Variants in COBLL1 observed in about 807,000 individuals in gnomAD.
COBLL1 encodes cordon-bleu WH2 repeat protein like 1.
In COBLL1, 50 loss-of-function variants were observed where a neutral mutation model predicts 94.8. The ratio of observed to expected loss-of-function variants is 0.53; its 90% confidence interval spans 0.42 to 0.67. COBLL1 has a LOEUF of 0.67. Ranked by LOEUF, COBLL1 falls within the 30% of genes least tolerant of loss-of-function variation. COBLL1 has a pLI of 0.00. For synonymous variants in COBLL1, 448 were observed against 473.8 expected (o/e 0.95, Z 0.71); for missense variants, 1,362 against 1,348.7 (o/e 1.01, Z -0.15).
At chr2:164,668,009 A>C (rs1691190419) in intron 1 of COBLL1, among the ~76,000 whole-genome samples, 1 of 143,092 alleles carries the variant, frequency 7.0e-6, no homozygotes, top group Admixed American at 7.2e-5. Context: ...CAGTGGCGTG[A>C]GCTCAGCTCA....
chr2:164,742,422 T>C (rs11891773), intron 3 of COBLL1, among the ~76,000 whole-genome samples: 98 of 152,118 alleles, frequency 6.4e-4, no homozygotes, highest in African/African-American at 2.2e-3. Flanking sequence ...CCCAGCCAGA[T>C]CCATTAACCC....
At chr2:164,789,459 T>A (rs1683068183) in intron 2 of COBLL1, among the ~76,000 whole-genome samples, 1 of 152,142 alleles carries the variant, frequency 6.6e-6, no homozygotes, top group Non-Finnish European at 1.5e-5. Context: ...AAGCCAATAT[T>A]ACCTCTGTGC....
intron 10 of COBLL1, 67 bp from the exon 11 acceptor site, chr2:164,699,566 G>GAC (rs372370676): frequency 1.6e-4 from 129 of 795,216 alleles, no homozygotes; most frequent in Admixed American, 5.3e-4. Context: ...CACACACACA[G>GAC]ACACACACAC....
chr2:164,679,199 C>T (rs1361689931), downstream of COBLL1, among the ~76,000 whole-genome samples: 1 of 152,134 alleles, frequency 6.6e-6, no homozygotes, highest in Non-Finnish European at 1.5e-5. Context: ...GAAGGCCATA[C>T]TTCTCTAAAG....
chr2:164,831,881 C>T (rs1033478184), intron 2 of COBLL1, among the ~76,000 whole-genome samples: 2 of 152,112 alleles, frequency 1.3e-5, no homozygotes, highest in Non-Finnish European at 2.9e-5. Context: ...CATCTTAGCA[C>T]AAAGGAGAAA....
intron 3 of COBLL1, among the ~76,000 whole-genome samples, chr2:164,732,074 G>A (rs1476735365): frequency 6.6e-6 from 1 of 152,096 alleles, no homozygotes; most frequent in Admixed American, 6.5e-5. Flanking sequence ...TATGGGATAA[G>A]GAGTATGTTT....
intron 2 of COBLL1, among the ~76,000 whole-genome samples, chr2:164,799,470 TA>T (rs1471165659): frequency 6.6e-6 from 1 of 152,194 alleles, no homozygotes. Context: ...ATGACCTAAC[TA>T]AATTCAGAGG....
intron 13 of COBLL1, among the ~76,000 whole-genome samples, chr2:164,686,943 A>G (rs535360585): frequency 6.6e-6 from 1 of 152,336 alleles, no homozygotes; most frequent in Admixed American, 6.5e-5. Flanking sequence ...TAAAAGGAAA[A>G]TGAAATTGGC....
chr2:164,695,447 CT>C lies in COBLL1; in HGVS notation c.1944del (p.Asp649IlefsTer3), dbSNP rs1558927652. 1 of 1,613,882 alleles carries C rather than the reference CT, an allele frequency of 6.2e-7. No homozygotes were observed. Among genetic ancestry groups the C allele is most frequent in the Non-Finnish European group, 8.5e-7 (1 of 1,179,914 alleles). ...AATTCCCTTGAGGTATTTACAGAATCTTGTGAACTTAAGCATGAGTGTTGAG... is the reference window on the plus strand; with the variant it reads ...AATTCCCTTGAGGTATTTACAGAATCTGTGAACTTAAGCATGAGTGTTGAG... ...ISTQHSCLSS[Q>X]DSVNTSREFR... On this transcript the variant is annotated frameshift_variant, in exon 12 of 14. Coordinates refer to ENST00000652658, the MANE Select transcript of COBLL1 (RefSeq NM_001365672.2). LOFTEE classifies it high-confidence loss of function.
In COBLL1 at chr2:164,722,193, C is replaced by CAA. The variant is rs1450069948; in HGVS notation, c.877_878insTT (p.Arg293IlefsTer30). 1 of 1,614,078 alleles carries CAA rather than the reference C, an allele frequency of 6.2e-7. No individual in the cohort carries two copies. Among genetic ancestry groups the CAA allele is most frequent in the Admixed American group, 1.7e-5 (1 of 60,000 alleles). ...TGGCATCGGGGGCAGTGGAGCCCGC[C>CAA]TCTTCTTGGGTGCATCCGACGGCAG... On this transcript the variant is annotated frameshift_variant, in exon 7 of 14. Transcript: ENST00000652658. LOFTEE classifies it high-confidence loss of function.
At chr2:164,713,774 G>C (rs550761707) in intron 7 of COBLL1, among the ~76,000 whole-genome samples, 1 of 152,140 alleles carries the variant, frequency 6.6e-6, no homozygotes, top group Non-Finnish European at 1.5e-5. Flanking sequence ...AAAGATGTCA[G>C]TCAATGTTTT....
intron 2 of COBLL1, among the ~76,000 whole-genome samples, chr2:164,789,908 G>A (rs1392439062): frequency 6.6e-6 from 1 of 152,136 alleles, no homozygotes. Context: ...TTACGAACAC[G>A]TGAATACTTC....
At chr2:164,758,455 A>G (rs933774113) in intron 2 of COBLL1, among the ~76,000 whole-genome samples, 2 of 152,146 alleles carry the variant, frequency 1.3e-5, no homozygotes, top group Non-Finnish European at 2.9e-5. Flanking sequence ...CCACAAAACC[A>G]TGTCCCAATG....
intron 3 of COBLL1, 52 bp downstream of exon 3, chr2:164,743,635 C>T: frequency 7.1e-7 from 1 of 1,403,502 alleles, no homozygotes; most frequent in East Asian, 2.3e-5. Flanking sequence ...CAGAGACTTT[C>T]AATGGTGGAA....
rs566307820 is a variant in COBLL1, at chr2:164,704,335, A to G, written c.1225+109T>C. The G allele has an allele frequency of 5.6e-5, 44 of 781,206 alleles. No homozygotes were observed. In the South Asian group the frequency reaches 6.9e-4, roughly 12 times the overall value. 48.4% of individuals were successfully genotyped at this position (781,206 alleles called of 1,614,324 possible). On this transcript the variant is annotated intron_variant, in intron 9 of 13. Coordinates refer to ENST00000652658, the MANE Select transcript of COBLL1 (RefSeq NM_001365672.2). ...AATAAAAATTTGGGAAATGAGGCCA[A>G]AGAATCTGTATCTCTTTCATGTACA...
rs527688321 is a variant in COBLL1, at chr2:164,674,185, C to T, written n.127-8284G>A. 1.5e-4 allele frequency among the ~76,000 whole-genome samples: 23 copies of T among 152,188 alleles called. No individual in the cohort carries two copies. In the South Asian group the frequency reaches 3.5e-3, roughly 23 times the overall value. On this transcript the variant is annotated intron_variant and non_coding_transcript_variant, in intron 1 of 2. Coordinates refer to the COBLL1 transcript ENST00000495084. Reference sequence around the variant, plus strand: ...AAGTGATTCTCCTGCTTCAGCCTCCCGAGTAGCTGGAACTATAGGCACGCA... The same window carrying T: ...AAGTGATTCTCCTGCTTCAGCCTCCTGAGTAGCTGGAACTATAGGCACGCA...
At chr2:164,784,646 C>T (rs1156891166) in intron 2 of COBLL1, among the ~76,000 whole-genome samples, 3 of 152,026 alleles carry the variant, frequency 2.0e-5, no homozygotes, top group Non-Finnish European at 2.9e-5. Context: ...TAATCTGCTT[C>T]CCTGTCTTCT....
intron 9 of COBLL1, among the ~76,000 whole-genome samples, chr2:164,702,338 C>T (rs977702232): frequency 1.1e-4 from 17 of 151,642 alleles, no homozygotes; most frequent in African/African-American, 2.2e-4. Context: ...CTGAGGAGGG[C>T]GGATCACAAG....
intron 2 of COBLL1, among the ~76,000 whole-genome samples, chr2:164,793,609 A>C (rs1037150784): frequency 3.9e-5 from 6 of 152,216 alleles, no homozygotes. Context: ...TGGTGATCTG[A>C]AAATATGTTC....
Sources: allele counts gnomAD v4.1 joint callset (sites outside exome capture counted in the v4.1 genomes callset), GRCh38; gene constraint gnomAD v4.1.1; transcripts MANE v1.5; gene names NCBI Gene and HGNC (gene_info 2026-07-23, HGNC 2026-07-21).